Variants in POU3F3 observed in about 807,000 individuals in gnomAD.
The protein encoded by POU3F3 is POU domain, class 3, transcription factor 3.
Under a neutral mutation model 8.6 loss-of-function variants are expected in POU3F3, and 1 was observed. That is an observed-to-expected ratio of 0.12 (90% CI 0.04 to 0.55). POU3F3 has a LOEUF of 0.55. POU3F3 is among the 20% of genes least tolerant of loss of function. POU3F3 has a pLI of 0.91. For missense variants in POU3F3, 577 were observed against 690.7 expected (o/e 0.84, Z 1.84); for synonymous variants, 418 against 327.4 (o/e 1.28, Z -2.99).
upstream of POU3F3, chr2:104,853,501 C>G (rs1676483167): frequency 6.5e-6 from 1 of 152,968 alleles, no homozygotes; most frequent in African/African-American, 2.4e-5. Flanking sequence ...CCCCGCCGAT[C>G]AGAGAAGGGG....
At chr2:104,899,639 G>A in the POU3F3 span, among the ~76,000 whole-genome samples, 1 of 152,184 alleles carries the variant, frequency 6.6e-6, no homozygotes, top group African/African-American at 2.4e-5. Context: ...AAAAGAGAGA[G>A]GATGTAGAAC....
the POU3F3 span, among the ~76,000 whole-genome samples, chr2:104,896,781 C>T: frequency 2.0e-5 from 3 of 152,350 alleles, no homozygotes; most frequent in East Asian, 5.8e-4. Context: ...CCTGGAGAAG[C>T]CTGTTTGAGT....
At chr2:104,909,344 A>G in the POU3F3 span, among the ~76,000 whole-genome samples, 1 of 152,208 alleles carries the variant, frequency 6.6e-6, no homozygotes, top group African/African-American at 2.4e-5. Flanking sequence ...TCTGGATGGG[A>G]AGCCAGAAGA....
chr2:104,855,859 G>C lies in POU3F3; in HGVS notation c.349G>C (p.Glu117Gln). Residue 117 changes from glutamate (E) to glutamine (Q), a missense_variant, in exon 1 of 1, where the codon GAG (glutamate) becomes CAG (glutamine). This residue lies in a region of POU3F3 where 484 missense variants were observed against 422.6 expected (regional missense o/e 1.15). Coordinates refer to ENST00000361360, the MANE Select transcript of POU3F3 (RefSeq NM_006236.3). ...AAAAAAAAAV[E>Q]ASSPWSGSAV... ...CGCCGCTGCCGCCGCCGCCGCCGTG[G>C]AGGCGAGCTCGCCGTGGTCGGGCAG... 1 of 1,076,604 alleles carries C rather than the reference G, an allele frequency of 9.3e-7. No individual in the cohort carries two copies. Among genetic ancestry groups the C allele is most frequent in the African/African-American group, 1.8e-5 (1 of 56,220 alleles). 66.7% of individuals were successfully genotyped at this position (1,076,604 alleles called of 1,614,324 possible). A position where few individuals can be genotyped will look rare whatever the true frequency, so the allele number is the denominator to read the frequency against.
Position 104,855,815 on chromosome 2 carries a change from CCCACGCCGCCGCCGCCGCCG to C in POU3F3, c.308_327del (p.His103ArgfsTer530). ...GCGCACCAGTGGGTCACAGCCCTGC[CCCACGCCGCCGCCGCCGCCG>C]CCGCTGCCGCCGCCGCCGCCGTGGA... On this transcript the variant is annotated frameshift_variant, in exon 1 of 1. Coordinates refer to ENST00000361360, the MANE Select transcript of POU3F3 (RefSeq NM_006236.3). LOFTEE classifies it low-confidence loss of function (END_TRUNC). The C allele has an allele frequency of 1.7e-6, 2 of 1,186,868 alleles. No individual in the cohort carries two copies. The highest frequency in any genetic ancestry group is 2.1e-6 in the Non-Finnish European group (2 of 952,360). The allele number at this position is 1,186,868 out of a possible 1,614,324, so 73.5% of individuals were successfully genotyped here.
At chr2:104,904,688 G>A in the POU3F3 span, among the ~76,000 whole-genome samples, 1 of 152,128 alleles carries the variant, frequency 6.6e-6, no homozygotes, top group Non-Finnish European at 1.5e-5. Flanking sequence ...GAAAGGCAAA[G>A]TCAAATGTAT....
chr2:104,857,321 T>C lies in POU3F3; in HGVS notation c.*308T>C, dbSNP rs964945365. 1 of 156,668 alleles carries C rather than the reference T, an allele frequency of 6.4e-6. No homozygotes were observed. The highest frequency in any genetic ancestry group is 2.4e-5 in the African/African-American group (1 of 41,494). 9.7% of individuals were successfully genotyped at this position (156,668 alleles called of 1,614,324 possible). On this transcript the variant is annotated 3_prime_UTR_variant, in exon 1 of 1. Transcript: ENST00000361360. ...TAATAAACACCCAGACTGTTTTGTATACATATATAACAAACAAAACCGGAA... is the reference window on the plus strand; with the variant it reads ...TAATAAACACCCAGACTGTTTTGTACACATATATAACAAACAAAACCGGAA...
At chr2:104,886,105 T>C in the POU3F3 span, among the ~76,000 whole-genome samples, 1 of 152,160 alleles carries the variant, frequency 6.6e-6, no homozygotes, top group Non-Finnish European at 1.5e-5. Context: ...CCTGTTCCTT[T>C]ACTTTCTTAA....
the POU3F3 span, among the ~76,000 whole-genome samples, chr2:104,919,888 C>A: frequency 2.0e-5 from 3 of 152,140 alleles, no homozygotes; most frequent in Admixed American, 2.0e-4. Context: ...AAAAATCACA[C>A]ACACACAGAG....
chr2:104,926,421 G>T, the POU3F3 span, among the ~76,000 whole-genome samples: 1 of 152,172 alleles, frequency 6.6e-6, no homozygotes, highest in Non-Finnish European at 1.5e-5. Context: ...TCTCATGCCA[G>T]TTAGAATAGT....
the POU3F3 span, among the ~76,000 whole-genome samples, chr2:104,870,675 T>A: frequency 6.6e-6 from 1 of 152,234 alleles, no homozygotes; most frequent in South Asian, 2.1e-4. Flanking sequence ...GCCTGCTTCA[T>A]GGTGACTAAA....
chr2:104,865,009 A>G, the POU3F3 span, among the ~76,000 whole-genome samples: 1 of 152,214 alleles, frequency 6.6e-6, no homozygotes, highest in Admixed American at 6.5e-5. Context: ...GAATCTACCA[A>G]AATTGTATCT....
chr2:104,856,323 C>A lies in POU3F3; in HGVS notation c.813C>A (p.His271Gln). ...ACACGCCAGAGCTGGCCGAGCACCA[C>A]CACCACCACCACCACCACGCGCATC... ...RGDTPELAEH[H>Q]HHHHHHAHPH... The change falls in exon 1 of 1, where the codon CAC becomes CAA. Residue 271 changes from histidine (H) to glutamine (Q), a missense_variant. By Grantham distance (24) the His-to-Gln change is conservative. Coordinates refer to ENST00000361360, the MANE Select transcript of POU3F3 (RefSeq NM_006236.3). 6.6e-7 allele frequency: 1 copy of A among 1,505,332 alleles called. No individual in the cohort carries two copies. The highest frequency in any genetic ancestry group is 8.8e-7 in the Non-Finnish European group (1 of 1,132,800). 93.2% of individuals were successfully genotyped at this position (1,505,332 alleles called of 1,614,324 possible).
chr2:104,864,236 C>G, the POU3F3 span, among the ~76,000 whole-genome samples: 1 of 152,248 alleles, frequency 6.6e-6, no homozygotes, highest in Non-Finnish European at 1.5e-5. Context: ...GATCGCACGC[C>G]GGCTTCGCTT....
chr2:104,923,885 A>G, the POU3F3 span, among the ~76,000 whole-genome samples: 1 of 152,218 alleles, frequency 6.6e-6, no homozygotes, highest in African/African-American at 2.4e-5. Flanking sequence ...GTTATAAACA[A>G]GGTAGTCACA....
chr2:104,913,267 G>C, the POU3F3 span, among the ~76,000 whole-genome samples: 1 of 151,988 alleles, frequency 6.6e-6, no homozygotes. Flanking sequence ...GGCATTAAAG[G>C]AGTCTTCCTT....
Position 104,855,473 on chromosome 2 carries a change from CG to C in POU3F3, c.-36del. On this transcript the variant is annotated 5_prime_UTR_variant, in exon 1 of 1. Transcript: ENST00000361360. ...GCGGCTGCTGCTGCGGCGGCGGCGG[CG>C]GTGGTGGCGGCGGTGGGGTGGCGGG... is the stretch of plus-strand genomic sequence containing the variant. The C allele has an allele frequency of 1.2e-6, 1 of 822,578 alleles. No homozygotes were observed. The highest frequency in any genetic ancestry group is 5.7e-5 in the South Asian group (1 of 17,574). The allele number at this position is 822,578 out of a possible 1,614,324, so 51.0% of individuals were successfully genotyped here.
the POU3F3 span, among the ~76,000 whole-genome samples, chr2:104,881,100 C>CTCTTTCTT: frequency 1.7e-5 from 2 of 120,434 alleles, no homozygotes; most frequent in African/African-American, 6.1e-5. Flanking sequence ...TATATATTTT[C>CTCTTTCTT]TCTTTCTTTC....
the POU3F3 span, chr2:104,872,581 T>G: frequency 3.2e-6 from 1 of 311,634 alleles, no homozygotes; most frequent in East Asian, 1.2e-4. The surrounding 1 kb of genome is among the most constrained non-coding windows in gnomAD (Gnocchi z 4.6). Flanking sequence ...GCCAGGCTGG[T>G]GGGGACGCAC....
Sources: gnomAD v4.1 joint callset for allele counts (sites outside exome capture counted in the v4.1 genomes callset) on GRCh38, gnomAD v4.1.1 for gene constraint, gnomAD v4.1.1 regional missense constraint, Gnocchi (gnomAD v3.1) non-coding constraint, MANE v1.5 for transcripts, NCBI Gene and HGNC (gene_info 2026-07-23, HGNC 2026-07-21) for gene names.